The following RYR3 variants were observed in gnomAD, a reference collection of about 807,000 sequenced individuals.
RYR3 encodes the protein brain ryanodine receptor-calcium release channel.
In RYR3, 207 loss-of-function variants were observed where a neutral mutation model predicts 584.3. That is an observed-to-expected ratio of 0.35 (90% CI 0.32 to 0.40). The LOEUF (loss-of-function observed/expected upper bound fraction) is 0.40, where lower values mean the gene tolerates loss of function less well. Ranked by LOEUF, RYR3 falls within the 10% of genes least tolerant of loss-of-function variation. The pLI is 1.00. For missense variants in RYR3, 5,616 were observed against 6,089.2 expected (o/e 0.92, Z 2.59); for synonymous variants, 2,416 against 2,248.5 (o/e 1.07, Z -2.11).
chr15:33,845,344 C>T (rs1214201855), intron 93 of RYR3, among the ~76,000 whole-genome samples: 2 of 152,146 alleles, frequency 1.3e-5, no homozygotes, highest in Admixed American at 6.5e-5. Flanking sequence ...CCTCCGCCTC[C>T]CAGGTTCAAG....
At chr15:33,542,138 A>G (rs1199047034) in intron 7 of RYR3, among the ~76,000 whole-genome samples, 2 of 152,128 alleles carry the variant, frequency 1.3e-5, no homozygotes, top group Non-Finnish European at 2.9e-5. Context: ...TCTGTAGAAA[A>G]ATGTCCTTCC....
rs1356485321 is a variant in RYR3 at position 33,810,736 on chromosome 15, C to G, written c.10197+87C>G. ...GCCCCTGAAGGGTTAGTCCTCCTCC[C>G]CTGGGGGGCGGGGAGCAGATGCGCA... On this transcript the variant is annotated intron_variant, in intron 71 of 103. Coordinates refer to ENST00000634891, the MANE Select transcript of RYR3 (RefSeq NM_001036.6). 4 of 1,534,822 alleles carry G rather than the reference C, an allele frequency of 2.6e-6. No homozygotes were observed. In the Admixed American group the frequency reaches 5.4e-5, roughly 21 times the overall value.
At chr15:33,749,588 G>C (rs2071080016) in intron 55 of RYR3, among the ~76,000 whole-genome samples, 1 of 152,146 alleles carries the variant, frequency 6.6e-6, no homozygotes, top group South Asian at 2.1e-4. Context: ...TTAAGCTATA[G>C]GCTTTCGGGG....
intron 93 of RYR3, among the ~76,000 whole-genome samples, chr15:33,845,591 A>T (rs2078673160): frequency 6.6e-6 from 1 of 152,066 alleles, no homozygotes. Context: ...ACTTAGCATG[A>T]TCACTGGGCA....
intron 12 of RYR3, among the ~76,000 whole-genome samples, chr15:33,572,463 G>T (rs1485516057): frequency 6.6e-6 from 1 of 151,482 alleles, no homozygotes; most frequent in Admixed American, 6.6e-5. Flanking sequence ...GTGCGGGAAT[G>T]AATAGATAGC....
intron 69 of RYR3, among the ~76,000 whole-genome samples, chr15:33,802,607 C>G (rs1331738359): frequency 6.6e-6 from 1 of 152,188 alleles, no homozygotes; most frequent in Non-Finnish European, 1.5e-5. Context: ...CCTCCCACCT[C>G]CTCTTGCGTC....
intron 1 of RYR3, among the ~76,000 whole-genome samples, chr15:33,399,083 T>A (rs1014334076): frequency 2.0e-5 from 3 of 152,166 alleles, no homozygotes; most frequent in African/African-American, 7.2e-5. Flanking sequence ...AGAGACACCA[T>A]GGTAAAGAGC....
chr15:33,589,761 C>G (rs1257905078), intron 16 of RYR3, among the ~76,000 whole-genome samples: 1 of 152,160 alleles, frequency 6.6e-6, no homozygotes, highest in African/African-American at 2.4e-5. Flanking sequence ...TGTCAGAAAT[C>G]AGTTGGCTAT....
chr15:33,472,210 G>A (rs1430240248), intron 1 of RYR3, among the ~76,000 whole-genome samples: 1 of 152,068 alleles, frequency 6.6e-6, no homozygotes, highest in Non-Finnish European at 1.5e-5. Context: ...GTGGCTTCTC[G>A]CATTCCCCTG....
intron 1 of RYR3, among the ~76,000 whole-genome samples, chr15:33,349,473 A>G (rs1458382095): frequency 6.6e-6 from 1 of 152,098 alleles, no homozygotes; most frequent in Non-Finnish European, 1.5e-5. Flanking sequence ...ATCCATTCTA[A>G]TAGATGTTTA....
intron 13 of RYR3, among the ~76,000 whole-genome samples, chr15:33,580,675 G>A (rs572198082): frequency 6.6e-6 from 1 of 152,304 alleles, no homozygotes; most frequent in South Asian, 2.1e-4. Flanking sequence ...CCAGCTGTGT[G>A]TGACCACAGA....
intron 12 of RYR3, among the ~76,000 whole-genome samples, chr15:33,572,658 T>TATATACACACAC (rs533341248): frequency 9.6e-5 from 12 of 124,504 alleles, no homozygotes; most frequent in African/African-American, 3.9e-4. Context: ...AAACTATATA[T>TATATACACACAC]ACACACACAC....
intron 1 of RYR3, among the ~76,000 whole-genome samples, chr15:33,400,363 C>T (rs778642284): frequency 6.6e-6 from 1 of 152,162 alleles, no homozygotes; most frequent in Non-Finnish European, 1.5e-5. Context: ...GAGATGGACT[C>T]CTTCCCCCCG....
At chr15:33,763,904 A>AAAAAAAAAACAAAAAC (rs2072748589) in intron 60 of RYR3, among the ~76,000 whole-genome samples, 1 of 130,576 alleles carries the variant, frequency 7.7e-6, no homozygotes, top group African/African-American at 3.3e-5. Flanking sequence ...AAAAAAAAAA[A>AAAAAAAAAACAAAAAC]AAAAAAAAAA....
chr15:33,799,400 C>T (rs530048957), intron 67 of RYR3, among the ~76,000 whole-genome samples: 27 of 151,914 alleles, frequency 1.8e-4, no homozygotes, highest in Non-Finnish European at 3.8e-4. Context: ...TAACCAATGG[C>T]CAGGGGTTTC....
chr15:33,550,983 C>T (rs1180245349), intron 10 of RYR3, among the ~76,000 whole-genome samples: 1 of 152,152 alleles, frequency 6.6e-6, no homozygotes, highest in Non-Finnish European at 1.5e-5. Flanking sequence ...TTAGGTTAAC[C>T]TCGAATTAAT....
At chr15:33,500,458 GCCT>G (rs894608746) in intron 2 of RYR3, among the ~76,000 whole-genome samples, 1 of 152,302 alleles carries the variant, frequency 6.6e-6, no homozygotes, top group Admixed American at 6.5e-5. Context: ...TATAGACCTT[GCCT>G]CCTACTGTTT....
chr15:33,490,093 G>A (rs1354914782), intron 2 of RYR3, among the ~76,000 whole-genome samples: 1 of 152,158 alleles, frequency 6.6e-6, no homozygotes, highest in African/African-American at 2.4e-5. Context: ...ACACCCTTGG[G>A]AATTTGTTTT....
At chr15:33,635,480 T>C (rs1428168749) in intron 25 of RYR3, 134 bp from the exon 26 acceptor site, 2 of 669,494 alleles carry the variant, frequency 3.0e-6, no homozygotes, top group African/African-American at 1.8e-5. Context: ...GAATGCCATA[T>C]TGGATAGTAG....
Sources: gnomAD v4.1 joint callset for allele counts (sites outside exome capture counted in the v4.1 genomes callset) on GRCh38, gnomAD v4.1.1 for gene constraint, MANE v1.5 for transcripts, NCBI Gene and HGNC (gene_info 2026-07-23, HGNC 2026-07-21) for gene names.